The following TYW1 variants were observed in gnomAD, a reference collection of about 807,000 sequenced individuals.
TYW1 encodes the protein tRNA-yW synthesizing protein 1 homolog.
Under a neutral mutation model 96.2 loss-of-function variants are expected in TYW1, and 46 were observed. The ratio of observed to expected loss-of-function variants is 0.48; its 90% CI spans 0.38 to 0.61. The LOEUF (loss-of-function observed/expected upper bound fraction) is 0.61. Among genes scored for constraint, TYW1 ranks in the 20% least tolerant of loss-of-function variants. The probability of loss-of-function intolerance (pLI) is 0.00; values close to 1 mark genes in which losing one functional copy is unlikely to be tolerated. For missense variants in TYW1, 684 were observed against 909.6 expected (o/e 0.75, Z 3.19); for synonymous variants, 274 against 323.0 (o/e 0.85, Z 1.63).
At chr7:67,147,929 AAAAT>A (rs1451680191) in intron 13 of TYW1, among the ~76,000 whole-genome samples, 1 of 145,286 alleles carries the variant, frequency 6.9e-6, no homozygotes, top group Non-Finnish European at 1.5e-5. Context: ...GGTAAAAGAA[AAAAT>A]AAATTAATTT....
At chr7:67,123,531 A>G (rs1187328147) in intron 13 of TYW1, among the ~76,000 whole-genome samples, 1 of 152,206 alleles carries the variant, frequency 6.6e-6, no homozygotes, top group Non-Finnish European at 1.5e-5. Context: ...GCATCAGGTA[A>G]TGTCTAGTGG....
chr7:67,168,967 C>T (rs1364458249), intron 13 of TYW1, among the ~76,000 whole-genome samples: 1 of 151,334 alleles, frequency 6.6e-6, no homozygotes. Context: ...CCACCTCGGC[C>T]TCCCAAACTG....
chr7:67,189,714 G>C (rs182741969), intron 14 of TYW1, among the ~76,000 whole-genome samples: 2 of 152,166 alleles, frequency 1.3e-5, no homozygotes, highest in East Asian at 3.9e-4. Context: ...GATTCATTAA[G>C]TTTTTAGATC....
chr7:67,100,585 G>A (rs1235493310), intron 12 of TYW1, among the ~76,000 whole-genome samples: 6 of 152,030 alleles, frequency 3.9e-5, no homozygotes, highest in Non-Finnish European at 8.8e-5. Context: ...GGTGACTCAC[G>A]CCTGTAATCC....
chr7:67,098,268 C>T (rs1228683175), intron 11 of TYW1, among the ~76,000 whole-genome samples: 2 of 152,206 alleles, frequency 1.3e-5, no homozygotes, highest in South Asian at 2.1e-4. Context: ...TGCAAAGGGA[C>T]TTATTCTGCA....
chr7:67,102,398 C>T (rs1797111813), intron 12 of TYW1, among the ~76,000 whole-genome samples: 1 of 152,146 alleles, frequency 6.6e-6, no homozygotes, highest in African/African-American at 2.4e-5. Context: ...TCGTACTAGC[C>T]TTGATTGCCA....
chr7:67,205,725 C>G (rs13222880), intron 15 of TYW1, among the ~76,000 whole-genome samples: 23,556 of 151,972 alleles, frequency 0.16, 2,000 homozygotes, highest in African/African-American at 0.21. Context: ...TGGTTATTGT[C>G]TAAAAATTTT....
chr7:67,005,533 C>T lies in TYW1; in HGVS notation c.274-4050C>T, dbSNP rs1270316807. Among the ~76,000 whole-genome samples the T allele has an allele frequency of 2.0e-5, 3 of 152,182 alleles. No individual in the cohort carries two copies. In the East Asian group the frequency reaches 5.8e-4, roughly 29 times the overall value. ...ATTGCTTGAGCCCAGGAGGTCAAGG[C>T]TGCAGTAAGCCGTGACTGTGCCACT... On this transcript the variant is annotated intron_variant, in intron 3 of 15. Coordinates refer to ENST00000359626, the MANE Select transcript of TYW1 (RefSeq NM_018264.4).
intron 15 of TYW1, among the ~76,000 whole-genome samples, chr7:67,235,922 G>GAGGAAGAA (rs1316780555): frequency 5.0e-5 from 7 of 139,896 alleles, no homozygotes; most frequent in African/African-American, 1.9e-4. Context: ...AAAAAGAGGT[G>GAGGAAGAA]AGGAAGAAAG....
chr7:67,087,765 A>G (rs1796594514), intron 11 of TYW1, among the ~76,000 whole-genome samples: 1 of 152,262 alleles, frequency 6.6e-6, no homozygotes, highest in African/African-American at 2.4e-5. Context: ...TGAAGCTAGC[A>G]GAAAACAGGT....
intron 3 of TYW1, among the ~76,000 whole-genome samples, chr7:67,002,447 C>A (rs545073739): frequency 6.6e-6 from 1 of 152,144 alleles, no homozygotes. Flanking sequence ...GTGTAGAAGA[C>A]TATTAAAAAC....
chr7:67,001,620 C>T lies in TYW1; in HGVS notation c.273+2666C>T, dbSNP rs1793393960. ...TATTTTTAGTAGAGATGGGGTTTCA[C>T]CACGGTGGTCAGACTGTTCTCGAAC... On this transcript the variant is annotated intron_variant, in intron 3 of 15. Transcript: ENST00000359626. 2.0e-5 allele frequency among the ~76,000 whole-genome samples: 3 copies of T among 151,740 alleles called. No individual in the cohort carries two copies. The South Asian group carries it at 6.2e-4, about 32-fold the overall frequency.
At chr7:67,024,176 G>T (rs1288852660) in intron 6 of TYW1, among the ~76,000 whole-genome samples, 1 of 152,052 alleles carries the variant, frequency 6.6e-6, no homozygotes, top group African/African-American at 2.4e-5. Context: ...AAAGACTTAA[G>T]ATTTATTTCT....
Position 67,055,876 on chromosome 7 carries a change from A to C in TYW1, c.1144A>C (p.Arg382=). The change falls in exon 9 of 16, where the codon AGG becomes CGG. Residue 382 remains arginine, a synonymous_variant. Transcript: ENST00000359626. The part of the protein sequence containing the change: ...IGSHSGVKLC[R]WTKSMLRGRG... Reference sequence around the variant, plus strand: ...GAGCCACTCGGGGGTGAAGCTTTGCAGGTGGACAAAGGTATTTTTTTTGTT... The same window carrying C: ...GAGCCACTCGGGGGTGAAGCTTTGCCGGTGGACAAAGGTATTTTTTTTGTT... The C allele has an allele frequency of 6.2e-7, 1 of 1,612,512 alleles. No homozygotes were observed. Among genetic ancestry groups the C allele is most frequent in the African/African-American group, 1.3e-5 (1 of 74,928 alleles).
intron 13 of TYW1, among the ~76,000 whole-genome samples, chr7:67,140,781 G>T (rs1798426259): frequency 6.6e-6 from 1 of 152,110 alleles, no homozygotes; most frequent in African/African-American, 2.4e-5. Flanking sequence ...TTCATGTGAA[G>T]AAAAATATAT....
chr7:67,202,277 G>T (rs1238545661), intron 15 of TYW1, among the ~76,000 whole-genome samples: 1 of 152,152 alleles, frequency 6.6e-6, no homozygotes, highest in Non-Finnish European at 1.5e-5. Flanking sequence ...TCTCAGGCCT[G>T]GTCCATTGGC....
chr7:67,097,649 T>C lies in TYW1; in HGVS notation c.1385-892T>C, dbSNP rs532228955. Reference sequence around the variant, plus strand: ...CTGACCTCAAGTGATCTGCCCACCTTGGCCTCCCAAAGTGCTGGGATTACA... The same window carrying C: ...CTGACCTCAAGTGATCTGCCCACCTCGGCCTCCCAAAGTGCTGGGATTACA... On this transcript the variant is annotated intron_variant, in intron 11 of 15. Coordinates refer to ENST00000359626, the MANE Select transcript of TYW1 (RefSeq NM_018264.4). Among the ~76,000 whole-genome samples the C allele has an allele frequency of 6.6e-5, 10 of 152,208 alleles. No homozygotes were observed. The East Asian group carries it at 9.7e-4, about 15-fold the overall frequency.
rs776134749 is a variant in TYW1 at position 67,092,043 on chromosome 7, C to T, written c.1385-6498C>T. On this transcript the variant is annotated intron_variant, in intron 11 of 15. Coordinates refer to ENST00000359626, the MANE Select transcript of TYW1 (RefSeq NM_018264.4). The stretch of plus-strand genomic sequence containing the variant: ...ACTGTGAGTGTTGTACGACTCAGTC[C>T]GTGGTCCTCCTCCCTGTCCTGTTAG... Among the ~76,000 whole-genome samples the T allele has an allele frequency of 3.9e-5, 6 of 152,172 alleles. 1 individual carries two copies. Among genetic ancestry groups the T allele is most frequent in the Non-Finnish European group, 5.9e-5 (4 of 68,028 alleles).
At chr7:67,234,746 G>A (rs1485956820) in intron 15 of TYW1, among the ~76,000 whole-genome samples, 2 of 151,704 alleles carry the variant, frequency 1.3e-5, no homozygotes, top group Admixed American at 1.3e-4. Flanking sequence ...CCAGAGCAGA[G>A]TTTTAGAGTC....
Sources: allele counts gnomAD v4.1 joint callset (sites outside exome capture counted in the v4.1 genomes callset), GRCh38; gene constraint gnomAD v4.1.1; transcripts MANE v1.5; gene names NCBI Gene and HGNC (gene_info 2026-07-23, HGNC 2026-07-21).